The following MSR1 variants were observed in gnomAD, a reference collection of about 807,000 sequenced individuals.
MSR1 encodes the protein macrophage scavenger receptor 1.
In MSR1, 53 loss-of-function variants were observed where a neutral mutation model predicts 47.2. The observed-to-expected ratio is 1.12, with a 90% CI of 0.90 to 1.41. The LOEUF (loss-of-function observed/expected upper bound fraction) is 1.41, where lower values mean the gene tolerates loss of function less well. MSR1 is among the 40% of genes most tolerant of loss of function. MSR1 has a pLI of 0.00. For missense variants in MSR1, 786 were observed against 546.9 expected, an observed-to-expected ratio of 1.44 and a Z score of -4.36; for synonymous variants, 239 against 185.6, an observed-to-expected ratio of 1.29 and a Z score of -2.34.
chr8:16,172,464 T>C (rs1008798354), intron 3 of MSR1, among the ~76,000 whole-genome samples: 1 of 152,140 alleles, frequency 6.6e-6, no homozygotes, highest in African/African-American at 2.4e-5. Flanking sequence ...TTTTCAAAAG[T>C]TCACTTATTT....
At chr8:16,155,904 A>AT (rs1176731394) in intron 5 of MSR1, among the ~76,000 whole-genome samples, 1 of 151,590 alleles carries the variant, frequency 6.6e-6, no homozygotes, top group Non-Finnish European at 1.5e-5. Flanking sequence ...TGGTCTCATC[A>AT]TTTTTTTTCA....
intron 9 of MSR1, among the ~76,000 whole-genome samples, chr8:16,118,987 T>A (rs1387865098): frequency 1.3e-5 from 2 of 152,142 alleles, no homozygotes; most frequent in Non-Finnish European, 2.9e-5. Flanking sequence ...GGGACAGGGA[T>A]GGAAAATTTG....
At chr8:16,132,612 C>G (rs1800287958) in intron 8 of MSR1, among the ~76,000 whole-genome samples, 1 of 152,202 alleles carries the variant, frequency 6.6e-6, no homozygotes, top group Admixed American at 6.5e-5. Context: ...CTCAGCCCCC[C>G]AAGTAGCTGG....
chr8:16,110,385 C>T (rs966818283), intron 9 of MSR1, among the ~76,000 whole-genome samples, 167 bp from the exon 10 acceptor site: 5 of 152,110 alleles, frequency 3.3e-5, no homozygotes, highest in African/African-American at 9.7e-5. Flanking sequence ...TCTCCTGCTT[C>T]AGAACACTTT....
Position 16,135,623 on chromosome 8 carries a change from T to G in MSR1, c.1033+7935A>C, listed in dbSNP as rs192925735. On this transcript the variant is annotated intron_variant, in intron 8 of 9. Transcript: ENST00000262101. The stretch of plus-strand genomic sequence containing the variant: ...AGGATTAATTTTTACTTTCAAGTCT[T>G]ATTACTTAAGAAATACATCTTGTAA... Among the ~76,000 whole-genome samples the G allele has an allele frequency of 5.5e-4, 84 of 152,320 alleles. 2 individuals are homozygous for G. Among genetic ancestry groups the G allele is most frequent in the Admixed American group, 4.8e-3 (73 of 15,304 alleles).
At chr8:16,139,200 A>T in intron 8 of MSR1, 1 of 868,364 alleles carries the variant, frequency 1.2e-6, no homozygotes. Context: ...ACATTTATTC[A>T]GCTTCTTGCA....
At chr8:16,153,438 G>T (rs764283627) in intron 6 of MSR1, among the ~76,000 whole-genome samples, 1 of 151,848 alleles carries the variant, frequency 6.6e-6, no homozygotes, top group Admixed American at 6.6e-5. Context: ...CCAGGAACTC[G>T]ACCTGTCTTT....
At chr8:16,138,477 A>AT (rs1282752556) in intron 8 of MSR1, among the ~76,000 whole-genome samples, 4 of 152,294 alleles carry the variant, frequency 2.6e-5, no homozygotes, top group African/African-American at 4.8e-5. Flanking sequence ...TTCAGCATCC[A>AT]TTTTTTGTCT....
chr8:16,186,203 G>A, intron 1 of MSR1: 5 of 1,535,342 alleles, frequency 3.3e-6, no homozygotes, highest in Non-Finnish European at 4.4e-6. Flanking sequence ...CACTGAGATA[G>A]CACATCCAGG....
chr8:16,135,967 A>G (rs1223814039), intron 8 of MSR1, among the ~76,000 whole-genome samples: 1 of 152,186 alleles, frequency 6.6e-6, no homozygotes, highest in East Asian at 1.9e-4. Context: ...TGAATGGATT[A>G]GGGGTTGCTT....
At chr8:16,172,591 T>C (rs1801517230) in intron 3 of MSR1, among the ~76,000 whole-genome samples, 1 of 152,158 alleles carries the variant, frequency 6.6e-6, no homozygotes, top group African/African-American at 2.4e-5. Context: ...AGATCATATC[T>C]ACTCTTTCAT....
chr8:16,157,019 C>T (rs1801031380), intron 5 of MSR1, among the ~76,000 whole-genome samples: 1 of 151,862 alleles, frequency 6.6e-6, no homozygotes, highest in African/African-American at 2.4e-5. Flanking sequence ...CAATTTATGC[C>T]TGAATTTTGT....
rs570191953 is a variant in MSR1, at chr8:16,174,408, C to A, written c.217+779G>T. ...AATTCAAATGCCAATCGAAATACAT[C>A]AAATCCATCCAAAATGCTACGCGGG... On this transcript the variant is annotated intron_variant, in intron 3 of 9. Transcript: ENST00000262101. 1.3e-3 allele frequency among the ~76,000 whole-genome samples: 196 copies of A among 152,290 alleles called. 1 individual carries two copies. Among genetic ancestry groups the A allele is most frequent in the African/African-American group, 4.6e-3 (191 of 41,562 alleles).
intron 5 of MSR1, among the ~76,000 whole-genome samples, chr8:16,159,252 T>G (rs895015598): frequency 1.3e-5 from 2 of 151,982 alleles, no homozygotes; most frequent in Non-Finnish European, 2.9e-5. Context: ...CTAAAATGTT[T>G]CCAAATAAAC....
intron 1 of MSR1, chr8:16,186,209 C>T (rs1465258851): frequency 6.5e-7 from 1 of 1,535,200 alleles, no homozygotes. Context: ...GATAGCACAT[C>T]CAGGGGAGTT....
chr8:16,117,842 C>G (rs187513785), intron 9 of MSR1, among the ~76,000 whole-genome samples: 15 of 152,134 alleles, frequency 9.9e-5, no homozygotes, highest in Admixed American at 9.8e-4. Context: ...GTGGAATAAT[C>G]TACATCATAA....
chr8:16,139,747 TAAAAAAAAAAAAAAAAAAAAAAA>T (rs1162319738), intron 8 of MSR1: 2 of 146,614 alleles, frequency 1.4e-5, no homozygotes, highest in African/African-American at 1.1e-4. Flanking sequence ...CTTCAAAACT[TAAAAAAAAAAAAAAAAAAAAAAA>T]AAAAATATAT....
intron 1 of MSR1, among the ~76,000 whole-genome samples, chr8:16,178,870 T>TA (rs138181204): frequency 0.019 from 2,835 of 151,414 alleles, 79 homozygotes; most frequent in African/African-American, 0.064. Flanking sequence ...GATGAGCATT[T>TA]AAAAAAAAAT....
intron 1 of MSR1, among the ~76,000 whole-genome samples, chr8:16,187,670 G>T (rs1035240648): frequency 1.3e-5 from 2 of 152,020 alleles, no homozygotes; most frequent in Non-Finnish European, 1.5e-5. Context: ...TAAATGAAAG[G>T]CAAGATATTT....
Sources: gnomAD v4.1 joint callset for allele counts (sites outside exome capture counted in the v4.1 genomes callset) on GRCh38, gnomAD v4.1.1 for gene constraint, MANE v1.5 for transcripts, NCBI Gene and HGNC (gene_info 2026-07-23, HGNC 2026-07-21) for gene names.